BMPR1A: variants seen among roughly 807,000 people sequenced by gnomAD.
The protein encoded by BMPR1A is bone morphogenetic protein receptor type 1A.
In BMPR1A, 7 loss-of-function variants were observed where a neutral mutation model predicts 66.0. That is an observed-to-expected ratio of 0.11 (90% CI 0.06 to 0.20). The LOEUF is 0.20. Ranked by LOEUF, BMPR1A falls within the 10% of genes least tolerant of loss-of-function variation. The pLI, the probability that BMPR1A is intolerant of heterozygous loss-of-function variation, is 1.00. For synonymous variants in BMPR1A, 200 were observed against 229.7 expected (o/e 0.87, Z 1.17); for missense variants, 408 against 669.1 (o/e 0.61, Z 4.31).
At chr10:86,762,383 G>A (rs1161655234) in intron 1 of BMPR1A, among the ~76,000 whole-genome samples, 1 of 152,224 alleles carries the variant, frequency 6.6e-6, no homozygotes, top group Non-Finnish European at 1.5e-5. Context: ...TTTTGAGACG[G>A]AGTCTTGCTA....
intron 1 of BMPR1A, among the ~76,000 whole-genome samples, chr10:86,836,595 C>T (rs983547800): frequency 6.6e-6 from 1 of 151,976 alleles, no homozygotes; most frequent in Non-Finnish European, 1.5e-5. Flanking sequence ...GTCAGGAGTT[C>T]GAAATCAGGC....
intron 1 of BMPR1A, among the ~76,000 whole-genome samples, chr10:86,833,652 T>C (rs1842304399): frequency 6.6e-6 from 1 of 152,196 alleles, no homozygotes; most frequent in African/African-American, 2.4e-5. Flanking sequence ...ATATTGATCT[T>C]ATTCTCTTGA....
intron 1 of BMPR1A, among the ~76,000 whole-genome samples, chr10:86,828,008 C>G (rs182697733): frequency 6.2e-4 from 95 of 152,168 alleles, no homozygotes; most frequent in African/African-American, 2.2e-3. Flanking sequence ...AAAAATTAGC[C>G]GAGCGTGGTG....
At chr10:86,915,622 G>A (rs1411748554) in intron 8 of BMPR1A, among the ~76,000 whole-genome samples, 1 of 151,998 alleles carries the variant, frequency 6.6e-6, no homozygotes, top group Non-Finnish European at 1.5e-5. Context: ...CCAGCTGCTC[G>A]GGAGGCTGAG....
In BMPR1A at chr10:86,918,599, A is replaced by G. The variant is rs563441386; in HGVS notation, c.869-573A>G. ...CTCCAGGTTATTTGTATAATATGTCATCTTTTTCTTTTCTTTCCTTTTCTT... is the reference window on the plus strand; with the variant it reads ...CTCCAGGTTATTTGTATAATATGTCGTCTTTTTCTTTTCTTTCCTTTTCTT... On this transcript the variant is annotated intron_variant, in intron 9 of 12. Transcript: ENST00000372037. 2.7e-5 allele frequency among the ~76,000 whole-genome samples: 4 copies of G among 150,406 alleles called. No individual in the cohort carries two copies. The East Asian group carries it at 5.8e-4, about 22-fold the overall frequency.
rs760220938 is a variant in BMPR1A, at chr10:86,923,455, G to A, written c.1422G>A (p.Val474=). 13 of 1,614,252 alleles carry A rather than the reference G, an allele frequency of 8.1e-6. No individual in the cohort carries two copies. In the South Asian group the frequency reaches 1.1e-4, roughly 14 times the overall value. The change falls in exon 12 of 13, where the codon GTG becomes GTA. Residue 474 remains valine (V), a synonymous_variant. Transcript: ENST00000372037. ...DPSYEDMREV[V]CVKRLRPIVS... Reference sequence around the variant, plus strand: ...CATACGAAGATATGCGTGAGGTTGTGTGTGTCAAACGTTTGCGGCCAATTG... The same window carrying A: ...CATACGAAGATATGCGTGAGGTTGTATGTGTCAAACGTTTGCGGCCAATTG...
chr10:86,808,212 C>A lies in BMPR1A; in HGVS notation c.-267-30653C>A, dbSNP rs1214209275. Among the ~76,000 whole-genome samples the A allele has an allele frequency of 5.3e-5, 8 of 151,988 alleles. No individual in the cohort carries two copies. In the East Asian group the frequency reaches 1.4e-3, roughly 26 times the overall value. The stretch of plus-strand genomic sequence containing the variant: ...TTTAATCATGTTTGTTCATAATATT[C>A]CTTTATAATCCTTTTAATGTACATT... On this transcript the variant is annotated intron_variant, in intron 1 of 12. Transcript: ENST00000372037.
At chr10:86,764,487 G>A (rs1265884428) in intron 1 of BMPR1A, among the ~76,000 whole-genome samples, 1 of 152,190 alleles carries the variant, frequency 6.6e-6, no homozygotes, top group African/African-American at 2.4e-5. Context: ...GCATGTTGAA[G>A]TTGTACGTGT....
At chr10:86,901,951 C>T (rs1439756714) in intron 7 of BMPR1A, among the ~76,000 whole-genome samples, 1 of 152,102 alleles carries the variant, frequency 6.6e-6, no homozygotes, top group Non-Finnish European at 1.5e-5. Flanking sequence ...CTCTGCCTCC[C>T]AGGTTCAAGC....
At chr10:86,858,161 C>G (rs997810285) in intron 2 of BMPR1A, among the ~76,000 whole-genome samples, 2 of 152,140 alleles carry the variant, frequency 1.3e-5, no homozygotes, top group Non-Finnish European at 2.9e-5. Context: ...ACTCTGTGCT[C>G]ATATCACTAG....
downstream of BMPR1A, chr10:86,931,298 C>CATATATATATATATATATAT (rs1175375580): frequency 6.6e-5 from 6 of 90,888 alleles, no homozygotes; most frequent in African/African-American, 3.5e-4. Flanking sequence ...CACACACACA[C>CATATATATATATATATATAT]ATATATATAT....
chr10:86,810,895 C>G (rs1841960608), intron 1 of BMPR1A, among the ~76,000 whole-genome samples: 1 of 94,986 alleles, frequency 1.1e-5, no homozygotes, highest in African/African-American at 5.4e-5. Context: ...CTTTGAAGCA[C>G]AACATTTGTG....
Position 86,917,167 on chromosome 10 carries a change from G to A in BMPR1A, c.709G>A (p.Val237Ile). The change falls in exon 9 of 13, where the codon GTC becomes ATC. Residue 237 changes from valine to isoleucine, a missense_variant. Physicochemically the swap from Val to Ile is conservative, Grantham distance 29. Around this residue, in one of 5 missense-constraint regions of BMPR1A, gnomAD observed 174 missense variants for 265.1 expected, o/e 0.66. Coordinates refer to ENST00000372037, the MANE Select transcript of BMPR1A (RefSeq NM_004329.3). The part of the protein sequence containing the change: ...QRTIAKQIQM[V>I]RQVGKGRYGE... ...AACTATTGCCAAACAGATTCAGATG[G>A]TCCGGCAAGTTGGTAAAGGCCGATA... 1 of 1,614,058 alleles carries A rather than the reference G, an allele frequency of 6.2e-7. No homozygotes were observed. Among genetic ancestry groups the A allele is most frequent in the South Asian group, 1.1e-5 (1 of 91,082 alleles).
chr10:86,925,087 G>C lies in BMPR1A; in HGVS notation c.*1368G>C. 1 of 232,064 alleles carries C rather than the reference G, an allele frequency of 4.3e-6. No individual in the cohort carries two copies. Among genetic ancestry groups the C allele is most frequent in the Non-Finnish European group, 8.5e-6 (1 of 117,390 alleles). 14.4% of individuals were successfully genotyped at this position (232,064 alleles called of 1,614,324 possible). A position where few individuals can be genotyped will look rare whatever the true frequency, so the allele number is the denominator to read the frequency against. ...TTTTTTGATTTCTATTCCCTAACTT[G>C]TGAAGACAATGAAAAATCAGGCAGA... On this transcript the variant is annotated 3_prime_UTR_variant, in exon 13 of 13. Transcript: ENST00000372037.
At chr10:86,831,774 A>AG (rs1422614110) in intron 1 of BMPR1A, among the ~76,000 whole-genome samples, 1 of 152,204 alleles carries the variant, frequency 6.6e-6, no homozygotes, top group Non-Finnish European at 1.5e-5. Flanking sequence ...AAATAAAAAA[A>AG]TAGTGACACT....
chr10:86,906,488 G>A lies in BMPR1A; in HGVS notation c.531-5752G>A, dbSNP rs1843390464. On this transcript the variant is annotated intron_variant, in intron 7 of 12. Coordinates refer to ENST00000372037, the MANE Select transcript of BMPR1A (RefSeq NM_004329.3). ...TAATCCCAGCACTTTGGGAGGCCGAGGCGGGCGGATCACGAGGCCAGGAGA... is the reference window on the plus strand; with the variant it reads ...TAATCCCAGCACTTTGGGAGGCCGAAGCGGGCGGATCACGAGGCCAGGAGA... 7.5e-5 allele frequency among the ~76,000 whole-genome samples: 3 copies of A among 40,234 alleles called. 1 individual carries two copies. The highest frequency in any genetic ancestry group is 1.1e-4 in the Non-Finnish European group (3 of 26,334). 26.4% of individuals were successfully genotyped at this position (40,234 alleles called of 152,430 possible).
At chr10:86,814,993 C>G (rs1842016417) in intron 1 of BMPR1A, among the ~76,000 whole-genome samples, 1 of 152,118 alleles carries the variant, frequency 6.6e-6, no homozygotes, top group South Asian at 2.1e-4. Context: ...ACCATATTGG[C>G]CAGGCTTGTC....
At chr10:86,760,244 CTTTCTTTTTTTTTTTT>C (rs1841027608) in intron 1 of BMPR1A, among the ~76,000 whole-genome samples, 1 of 27,826 alleles carries the variant, frequency 3.6e-5, no homozygotes, top group Non-Finnish European at 6.5e-5. Flanking sequence ...TTCTTTCTTT[CTTTCTTTTTTTTTTTT>C]TTTTTTTTTT....
At chr10:86,899,756 C>CCAAA in intron 5 of BMPR1A, 38 bp from the exon 6 acceptor site, 5 of 1,580,342 alleles carry the variant, frequency 3.2e-6, no homozygotes, top group Non-Finnish European at 4.3e-6. Context: ...GTTTAAAATA[C>CCAAA]CAAACCATTT....
Sources: gnomAD v4.1 joint callset for allele counts (sites outside exome capture counted in the v4.1 genomes callset) on GRCh38, gnomAD v4.1.1 for gene constraint, gnomAD v4.1.1 regional missense constraint, MANE v1.5 for transcripts, NCBI Gene and HGNC (gene_info 2026-07-23, HGNC 2026-07-21) for gene names.